The following DGKB variants were observed in gnomAD, a reference collection of about 807,000 sequenced individuals.
DGKB encodes the protein diacylglycerol kinase beta.
In DGKB, 67 loss-of-function variants were observed where a neutral mutation model predicts 114.3. That is an observed-to-expected ratio of 0.59 (90% CI 0.48 to 0.72). The LOEUF (loss-of-function observed/expected upper bound fraction) is 0.72. Among genes scored for constraint, DGKB ranks in the 30% least tolerant of loss-of-function variants. The pLI, the probability that DGKB is intolerant of heterozygous loss-of-function variation, is 0.00. For missense variants in DGKB, 907 were observed against 975.2 expected (o/e 0.93, Z 0.93); for synonymous variants, 398 against 323.1 (o/e 1.23, Z -2.49).
intron 23 of DGKB, among the ~76,000 whole-genome samples, chr7:14,290,250 C>T (rs1801552441): frequency 6.6e-6 from 1 of 152,224 alleles, no homozygotes; most frequent in South Asian, 2.1e-4. Flanking sequence ...GTAAAAATAA[C>T]ATTTCTTATC....
At chr7:14,596,062 G>C (rs182910365) in intron 17 of DGKB, among the ~76,000 whole-genome samples, 13 of 152,126 alleles carry the variant, frequency 8.5e-5, no homozygotes, top group African/African-American at 2.9e-4. Context: ...CATATTGTGA[G>C]TTTTAGGTAT....
At chr7:14,557,553 T>C (rs1428885038) in intron 20 of DGKB, among the ~76,000 whole-genome samples, 1 of 152,108 alleles carries the variant, frequency 6.6e-6, no homozygotes, top group Non-Finnish European at 1.5e-5. Flanking sequence ...AGTTCTTTCT[T>C]AATTTGACTA....
chr7:14,495,900 A>T (rs1345857912), intron 20 of DGKB, among the ~76,000 whole-genome samples: 2 of 151,776 alleles, frequency 1.3e-5, no homozygotes, highest in African/African-American at 4.8e-5. Flanking sequence ...ATTAATTGCA[A>T]ATTTGTTGCT....
At chr7:14,642,441 T>C (rs572961624) in intron 13 of DGKB, among the ~76,000 whole-genome samples, 1 of 152,258 alleles carries the variant, frequency 6.6e-6, no homozygotes, top group South Asian at 2.1e-4. Context: ...TCATAAACCA[T>C]CAGTCTGCAT....
intron 2 of DGKB, among the ~76,000 whole-genome samples, chr7:14,783,560 A>C (rs554432043): frequency 6.6e-6 from 1 of 152,336 alleles, no homozygotes; most frequent in African/African-American, 2.4e-5. Context: ...TTAGGCAATT[A>C]ATGGAGTGGT....
In DGKB at chr7:14,719,707, C is replaced by T. The variant is rs1828827249; in HGVS notation, c.323-1022G>A. Among the ~76,000 whole-genome samples the T allele has an allele frequency of 5.9e-5, 9 of 152,120 alleles. No individual in the cohort carries two copies. The South Asian group carries it at 1.9e-3, about 31-fold the overall frequency. On this transcript the variant is annotated intron_variant, in intron 5 of 25. Transcript: ENST00000402815. ...TTCAATTTGTAACTTTCCATGAATA[C>T]CTATCACCTCGTCAAGCCATCTCAA...
intron 23 of DGKB, among the ~76,000 whole-genome samples, chr7:14,334,395 T>TGTGC (rs1810311919): frequency 1.1e-5 from 1 of 88,968 alleles, no homozygotes; most frequent in Non-Finnish European, 3.1e-5. Context: ...TGTGTGTGTG[T>TGTGC]GCGCGCGCGT....
rs1001140647 is a variant in DGKB, at chr7:14,650,922, A to G, written c.1135-20654T>C. ...AAGAAATGGATAAACTCCTCGACACATACACTCTCCCAAGACTAAACCAGG... is the reference window on the plus strand; with the variant it reads ...AAGAAATGGATAAACTCCTCGACACGTACACTCTCCCAAGACTAAACCAGG... On this transcript the variant is annotated intron_variant, in intron 13 of 25. Coordinates refer to ENST00000402815, the MANE Select transcript of DGKB (RefSeq NM_001350709.2). 2.6e-5 allele frequency among the ~76,000 whole-genome samples: 4 copies of G among 152,142 alleles called. No individual in the cohort carries two copies. In the East Asian group the frequency reaches 7.7e-4, roughly 29 times the overall value.
chr7:14,255,635 A>G (rs1172601488), intron 23 of DGKB, among the ~76,000 whole-genome samples: 1 of 152,112 alleles, frequency 6.6e-6, no homozygotes, highest in Admixed American at 6.6e-5. Flanking sequence ...AATATAATGC[A>G]TACCTACTCC....
intron 1 of DGKB, among the ~76,000 whole-genome samples, chr7:14,842,485 A>C (rs1386436196): frequency 1.3e-5 from 2 of 152,196 alleles, no homozygotes; most frequent in African/African-American, 2.4e-5. Context: ...ACAGAGACCA[A>C]ACTGCTGGAT....
chr7:14,310,333 G>A (rs950499990), intron 23 of DGKB, among the ~76,000 whole-genome samples: 2 of 152,088 alleles, frequency 1.3e-5, no homozygotes, highest in African/African-American at 4.8e-5. Context: ...AAATGGGAAC[G>A]ATAGAATCTC....
At position 14,223,419 on chromosome 7, in the gene DGKB, A is replaced by G. The variant is rs377139770; in HGVS notation, c.2123-45268T>C. ...CTACATAATGCAACTTCCTTTCTGA[A>G]TTTTTATATTTTTATACCTATTACA... is the stretch of plus-strand genomic sequence containing the variant. On this transcript the variant is annotated intron_variant, in intron 23 of 25. Coordinates refer to ENST00000402815, the MANE Select transcript of DGKB (RefSeq NM_001350709.2). Among the ~76,000 whole-genome samples, 14 of 151,642 alleles carry G rather than the reference A, an allele frequency of 9.2e-5. No individual in the cohort carries two copies. In the East Asian group the frequency reaches 1.9e-3, roughly 21 times the overall value.
intron 21 of DGKB, among the ~76,000 whole-genome samples, chr7:14,436,960 A>G (rs2128803603): frequency 1.3e-5 from 2 of 152,232 alleles, no homozygotes; most frequent in South Asian, 4.1e-4. Flanking sequence ...GTATCCATTA[A>G]TTAACACAAT....
chr7:14,258,604 G>A (rs989729610), intron 23 of DGKB, among the ~76,000 whole-genome samples: 4 of 152,138 alleles, frequency 2.6e-5, no homozygotes, highest in Non-Finnish European at 5.9e-5. Context: ...AGGGTGAAAG[G>A]AATGGGAGGG....
At chr7:14,758,182 A>G (rs2128447979) in intron 2 of DGKB, among the ~76,000 whole-genome samples, 1 of 152,190 alleles carries the variant, frequency 6.6e-6, no homozygotes, top group Non-Finnish European at 1.5e-5. Flanking sequence ...TAGTTTTGTT[A>G]TGTATAAATT....
chr7:14,508,623 C>T (rs1787483860), intron 20 of DGKB, among the ~76,000 whole-genome samples: 1 of 152,176 alleles, frequency 6.6e-6, no homozygotes, highest in South Asian at 2.1e-4. Context: ...ATCTCTACAC[C>T]TTACTTTTGA....
rs139475132 is a variant in DGKB, at chr7:14,932,555, C to T, written c.-188+42141G>A. Among the ~76,000 whole-genome samples, 464 of 152,224 alleles carry T rather than the reference C, an allele frequency of 3.0e-3. 1 individual carries two copies. The highest frequency in any genetic ancestry group is 0.011 in the African/African-American group (446 of 41,524). On this transcript the variant is annotated intron_variant, in intron 1 of 4. Transcript: ENST00000437998. The stretch of plus-strand genomic sequence containing the variant: ...CCATAAAATTATACTTTTAAAAGTA[C>T]ATTACTTTATGCCACCCCTATGGGC...
intron 7 of DGKB, among the ~76,000 whole-genome samples, chr7:14,701,427 T>C (rs1477470198): frequency 6.6e-6 from 1 of 152,186 alleles, no homozygotes; most frequent in Non-Finnish European, 1.5e-5. Flanking sequence ...TTTTTTTACC[T>C]AACTTCAGTG....
chr7:14,954,646 T>C (rs1053613084), intron 1 of DGKB, among the ~76,000 whole-genome samples: 9 of 152,010 alleles, frequency 5.9e-5, no homozygotes, highest in Admixed American at 2.0e-4. Flanking sequence ...GATATACAAA[T>C]GTGGACATAT....
Sources: allele counts gnomAD v4.1 joint callset (sites outside exome capture counted in the v4.1 genomes callset), GRCh38; gene constraint gnomAD v4.1.1; transcripts MANE v1.5; gene names NCBI Gene and HGNC (gene_info 2026-07-23, HGNC 2026-07-21).